POLG2: variants seen among roughly 807,000 people sequenced by gnomAD.
POLG2 encodes the protein DNA polymerase gamma 2, accessory subunit, also known as DNA polymerase subunit gamma-2.
POLG2 carries 50 observed loss-of-function variants against 56.5 expected under a neutral mutation model. That is an observed-to-expected ratio of 0.88 (90% confidence interval 0.71 to 1.12). The LOEUF (loss-of-function observed/expected upper bound fraction) is 1.12, where lower values mean the gene tolerates loss of function less well. Ranked by LOEUF, POLG2 falls within the 50% of genes most tolerant of loss-of-function variation. POLG2 has a pLI of 0.00. For missense variants in POLG2, 584 were observed against 583.3 expected (o/e 1.00, Z -0.01); for synonymous variants, 226 against 222.6 (o/e 1.02, Z -0.14).
At chr17:64,479,184 T>TG (rs2037816736) in intron 7 of POLG2, among the ~76,000 whole-genome samples, 1 of 116,944 alleles carries the variant, frequency 8.6e-6, no homozygotes, top group African/African-American at 4.0e-5. Flanking sequence ...CTGAAAGGTG[T>TG]TTTTTTTTTT....
chr17:64,482,878 C>A, intron 6 of POLG2, 41 bp downstream of exon 6: 1 of 1,142,166 alleles, frequency 8.8e-7, no homozygotes, highest in South Asian at 1.2e-5. Flanking sequence ...GGATAATACT[C>A]AATCTGTAAT....
intron 1 of POLG2, among the ~76,000 whole-genome samples, chr17:64,494,589 C>T (rs1156393046): frequency 6.6e-6 from 1 of 152,102 alleles, no homozygotes. Context: ...CCCCCGCCCC[C>T]GACCTCTAGG....
intron 5 of POLG2, chr17:64,485,457 G>T: frequency 2.3e-6 from 1 of 430,228 alleles, no homozygotes; most frequent in Non-Finnish European, 4.3e-6. Flanking sequence ...CAGTGGAAAG[G>T]TTCAGGGGCT....
At chr17:64,495,545 C>G (rs193016932) in intron 1 of POLG2, among the ~76,000 whole-genome samples, 2 of 152,218 alleles carry the variant, frequency 1.3e-5, no homozygotes, top group Non-Finnish European at 2.9e-5. Flanking sequence ...CCACTGCACT[C>G]GAGTCTGGGT....
At chr17:64,479,644 G>A (rs1457646445) in intron 7 of POLG2, among the ~76,000 whole-genome samples, 2 of 152,166 alleles carry the variant, frequency 1.3e-5, no homozygotes, top group Non-Finnish European at 2.9e-5. Flanking sequence ...CATGGGGTGA[G>A]ACTAGACACA....
In POLG2 at chr17:64,482,904, A is replaced by T. The variant is rs1555666779; in HGVS notation, c.1191+15T>A. ...AATCTGTAATTAAAATGACATTTAA[A>T]CTCATTTAACTCACCTGTCTTAGTT... is the stretch of plus-strand genomic sequence containing the variant. On this transcript the variant is annotated intron_variant, in intron 6 of 7. Transcript: ENST00000539111. 1.5e-6 allele frequency: 2 copies of T among 1,356,576 alleles called. No homozygotes were observed. Among genetic ancestry groups the T allele is most frequent in the Middle Eastern group, 1.8e-4 (1 of 5,592 alleles). The allele number at this position is 1,356,576 out of a possible 1,614,324, so 84.0% of individuals were successfully genotyped here.
intron 1 of POLG2, among the ~76,000 whole-genome samples, chr17:64,493,955 A>G (rs2038108126): frequency 1.3e-5 from 2 of 152,174 alleles, no homozygotes; most frequent in Non-Finnish European, 2.9e-5. Flanking sequence ...AATATTTCCT[A>G]TATACCATTA....
At position 64,489,378 on chromosome 17, in the gene POLG2, G is replaced by T. The variant is rs1271652146; in HGVS notation, c.969+1418C>A. The stretch of plus-strand genomic sequence containing the variant: ...TTTTTTTTTAAAAAAAAAAAAAAGG[G>T]AAGGGGAAAAAAACACCATTGGCAA... On this transcript the variant is annotated intron_variant, in intron 4 of 7. Coordinates refer to ENST00000539111, the MANE Select transcript of POLG2 (RefSeq NM_007215.4). 1.3e-5 allele frequency among the ~76,000 whole-genome samples: 2 copies of T among 150,834 alleles called. 1 individual carries two copies. Among genetic ancestry groups the T allele is most frequent in the South Asian group, 4.2e-4 (2 of 4,798 alleles).
At chr17:64,479,733 AC>A (rs2037826509) in intron 7 of POLG2, among the ~76,000 whole-genome samples, 1 of 152,208 alleles carries the variant, frequency 6.6e-6, no homozygotes, top group Non-Finnish European at 1.5e-5. Context: ...GGCAGCGAAG[AC>A]AGAGATGGAT....
rs1427463 is a variant in POLG2, at chr17:64,496,464, C to A, written c.505G>T (p.Ala169Ser). ...GTTTTTAATACGTTCTCAAGAAATG[C>A]TACTAGCTGTTCCTTACTCAGCTCT... ...DKELSKEQLVAFLENVLKTSG... is the reference protein window; with the variant it reads ...DKELSKEQLVSFLENVLKTSG... The change falls in exon 1 of 8, where the codon GCA (alanine) becomes TCA (serine). Residue 169 changes from alanine to serine, a missense_variant. By Grantham distance (99) the Ala-to-Ser change is moderately conservative (BLOSUM62 1). Coordinates refer to ENST00000539111, the MANE Select transcript of POLG2 (RefSeq NM_007215.4). The A allele has an allele frequency of 1.2e-6, 2 of 1,601,858 alleles. No homozygotes were observed. The highest frequency in any genetic ancestry group is 8.5e-7 in the Non-Finnish European group (1 of 1,170,188).
intron 7 of POLG2, among the ~76,000 whole-genome samples, chr17:64,479,652 A>C (rs537044446): frequency 6.6e-6 from 1 of 152,348 alleles, no homozygotes; most frequent in East Asian, 1.9e-4. Context: ...GAGACTAGAC[A>C]CAGAGAGCTC....
Position 64,492,954 on chromosome 17 carries a change from C to G in POLG2, c.630G>C (p.Gln210His), listed in dbSNP as rs1395665684. Reference sequence around the variant, plus strand: ...AAACAGGATGAAAACACACTCCAATCTGAGCAAGGCCATAAGGTAGCCTCT... The same window carrying G: ...AAACAGGATGAAAACACACTCCAATGTGAGCAAGGCCATAAGGTAGCCTCT... The part of the protein sequence containing the change: ...VNKRLPYGLA[Q>H]IGVCFHPVFD... Residue 210 changes from glutamine to histidine, a missense_variant, in exon 2 of 8, where the codon CAG becomes CAC. Transcript: ENST00000539111. The G allele has an allele frequency of 6.2e-7, 1 of 1,614,008 alleles. No individual in the cohort carries two copies. Among genetic ancestry groups the G allele is most frequent in the Non-Finnish European group, 8.5e-7 (1 of 1,179,882 alleles).
chr17:64,495,339 G>C lies in POLG2; in HGVS notation c.562+1068C>G, dbSNP rs184498142. ...TCACACCTGTAATCCCAGCACTTTGGGGGGCCAAGATGGGCGGATTGCTTA... is the reference window on the plus strand; with the variant it reads ...TCACACCTGTAATCCCAGCACTTTGCGGGGCCAAGATGGGCGGATTGCTTA... On this transcript the variant is annotated intron_variant, in intron 1 of 7. Coordinates refer to ENST00000539111, the MANE Select transcript of POLG2 (RefSeq NM_007215.4). 9.2e-5 allele frequency among the ~76,000 whole-genome samples: 14 copies of C among 152,246 alleles called. No homozygotes were observed. In the East Asian group the frequency reaches 1.5e-3, roughly 17 times the overall value.
At chr17:64,491,666 G>A (rs1421097320) in intron 3 of POLG2, 3 of 1,299,200 alleles carry the variant, frequency 2.3e-6, no homozygotes, top group Non-Finnish European at 3.3e-6. Flanking sequence ...ACTACAACAA[G>A]TACATCAACG....
At chr17:64,493,095 A>T in intron 1 of POLG2, 74 bp from the exon 2 acceptor site, 2 of 1,439,018 alleles carry the variant, frequency 1.4e-6, no homozygotes, top group East Asian at 4.5e-5. Context: ...TAGACACATT[A>T]ATAGTAGTAA....
Position 64,496,771 on chromosome 17 carries a change from G to C in POLG2, c.198C>G (p.Ser66Arg). The C allele has an allele frequency of 6.2e-7, 1 of 1,613,800 alleles. No homozygotes were observed. The highest frequency in any genetic ancestry group is 1.1e-5 in the South Asian group (1 of 91,050). ...HPEAPGSGEG[S>R]EALLEICQRR... ...TCTGACAGATCTCTAACAGCGCCTC[G>C]CTTCCCTCTCCAGACCCGGGGGCTT... The change falls in exon 1 of 8, where the codon AGC becomes AGG. Residue 66 changes from serine to arginine, a missense_variant. Transcript: ENST00000539111.
intron 7 of POLG2, 72 bp downstream of exon 7, chr17:64,480,213 ATTTG>A (rs373237139): frequency 9.0e-6 from 4 of 444,490 alleles, no homozygotes. Flanking sequence ...TTTAGAAGAG[ATTTG>A]TTTCTGTAAT....
chr17:64,491,454 G>A, intron 3 of POLG2: 6 of 935,174 alleles, frequency 6.4e-6, no homozygotes, highest in East Asian at 2.5e-5. Context: ...AAGTTGCAGT[G>A]AGCTGTGATT....
chr17:64,494,934 G>A (rs2038124617), intron 1 of POLG2, among the ~76,000 whole-genome samples: 1 of 152,158 alleles, frequency 6.6e-6, no homozygotes, highest in Admixed American at 6.5e-5. Flanking sequence ...AGCACTTTGG[G>A]AGGCCGAGGC....
Sources: gnomAD v4.1 joint callset for allele counts (sites outside exome capture counted in the v4.1 genomes callset) on GRCh38, gnomAD v4.1.1 for gene constraint, MANE v1.5 for transcripts, NCBI Gene and HGNC (gene_info 2026-07-23, HGNC 2026-07-21) for gene names.